Variants in CIDEB observed in about 807,000 individuals in gnomAD.
CIDEB encodes the protein cell death inducing DFFA like effector b.
CIDEB carries 27 observed loss-of-function variants against 22.4 expected under a neutral mutation model. The ratio of observed to expected loss-of-function variants is 1.21; its 90% CI spans 0.89 to 1.66. The LOEUF (loss-of-function observed/expected upper bound fraction) is 1.66, where lower values mean the gene tolerates loss of function less well. Among genes scored for constraint, CIDEB ranks in the 40% most tolerant of loss-of-function variants. CIDEB has a pLI of 0.00. For synonymous variants in CIDEB, 103 were observed against 109.5 expected, an observed-to-expected ratio of 0.94 and a Z score of 0.37; for missense variants, 289 against 268.7, an observed-to-expected ratio of 1.08 and a Z score of -0.53.
At chr14:24,311,183 G>T, upstream of CIDEB, 1 of 1,607,546 alleles carries the variant, frequency 6.2e-7, no homozygotes, top group Middle Eastern at 1.7e-4. Context: ...TGTGCCACCC[G>T]TCGCCGGTCC....
chr14:24,307,748 C>T, intron 1 of CIDEB, 70 bp downstream of exon 1: 1 of 1,482,704 alleles, frequency 6.7e-7, no homozygotes, highest in East Asian at 2.4e-5. Context: ...CTCCTAGGGG[C>T]TGAGTGGAGT....
chr14:24,308,031 C>G (rs1286596827), upstream of CIDEB: 4 of 647,430 alleles, frequency 6.2e-6, no homozygotes, highest in Admixed American at 9.8e-5. Context: ...GGGCAAAGTC[C>G]AAGGGGAGGG....
chr14:24,311,363 C>T (rs1311535947), upstream of CIDEB: 4 of 1,604,892 alleles, frequency 2.5e-6, no homozygotes, highest in East Asian at 2.2e-5. Context: ...TGCTTGCCTT[C>T]GGCTTGCTCT....
At chr14:24,310,797 T>TTGGCGGGC (rs1665537386), upstream of CIDEB, 6 of 1,604,262 alleles carry the variant, frequency 3.7e-6, no homozygotes, top group Non-Finnish European at 5.1e-6. Flanking sequence ...GGTGTGGAGC[T>TTGGCGGGC]TGGCGGGCTG....
chr14:24,305,962 G>A lies in CIDEB; in HGVS notation c.512C>T (p.Pro171Leu). The A allele has an allele frequency of 6.2e-7, 1 of 1,613,656 alleles. No individual in the cohort carries two copies. Among genetic ancestry groups the A allele is most frequent in the East Asian group, 2.2e-5 (1 of 44,882 alleles). ...GATTTCTGACCTGAGTACTTTCTTT[G>A]GGCCAAGTCCTTGAAAGTCACAACT... ...SMSCDFQGLG[P>L]KKVLRELLRW... The change falls in exon 4 of 5, where the codon CCA (proline) becomes CTA (leucine). Residue 171 changes from proline (P) to leucine (L), a missense_variant. Pro to Leu is a moderately conservative substitution (Grantham distance 98). Coordinates refer to ENST00000554411, the MANE Select transcript of CIDEB (RefSeq NM_001393339.1).
Position 24,307,968 on chromosome 14 carries a change from A to C in CIDEB, c.-110T>G. The C allele has an allele frequency of 9.8e-7, 1 of 1,025,226 alleles. No homozygotes were observed. The highest frequency in any genetic ancestry group is 1.5e-6 in the Non-Finnish European group (1 of 671,164). 63.5% of individuals were successfully genotyped at this position (1,025,226 alleles called of 1,614,324 possible). A position where few individuals can be genotyped will look rare whatever the true frequency, so the allele number is the denominator to read the frequency against. On this transcript the variant is annotated 5_prime_UTR_variant, in exon 1 of 5. Transcript: ENST00000554411. ...AAACCTGGGATCTCAGCCCAGGACA[A>C]GGTGGGAATGAGTCAAGCCTGGACT...
chr14:24,307,164 G>C (rs1007478174), intron 2 of CIDEB: 13 of 484,538 alleles, frequency 2.7e-5, no homozygotes, highest in Admixed American at 2.2e-4. Flanking sequence ...CCTATCTCCT[G>C]CTAACCCCTG....
chr14:24,310,737 G>A (rs1041057674), upstream of CIDEB: 1 of 1,612,060 alleles, frequency 6.2e-7, no homozygotes, highest in Admixed American at 1.7e-5. Flanking sequence ...CACAGGCACA[G>A]CCTTCCTGCT....
rs2041511263 is a variant in CIDEB, at chr14:24,306,474, T to C, written c.236A>G (p.Glu79Gly). The C allele has an allele frequency of 1.2e-6, 2 of 1,614,128 alleles. No individual in the cohort carries two copies. The highest frequency in any genetic ancestry group is 2.7e-5 in the African/African-American group (2 of 74,940). Residue 79 changes from glutamate (E) to glycine (G), a missense_variant, in exon 3 of 5, where the codon GAG becomes GGG. Glu to Gly is a moderately conservative substitution (Grantham distance 98). Transcript: ENST00000554411. ...LNGVLTLVLE[E>G]DGTAVDSEDF... ...CTCACTGTCCACTGCAGTTCCATCCTCCTCTAGCACCAGGGTTAGCACTCC... is the reference window on the plus strand; with the variant it reads ...CTCACTGTCCACTGCAGTTCCATCCCCCTCTAGCACCAGGGTTAGCACTCC...
upstream of CIDEB, chr14:24,308,596 C>A (rs1387124479): frequency 6.5e-6 from 1 of 153,176 alleles, no homozygotes; most frequent in Non-Finnish European, 1.5e-5. Flanking sequence ...TCTCCTTTTG[C>A]CGATTAGTGG....
In CIDEB at chr14:24,305,763, T is replaced by G; in HGVS notation, c.530A>C (p.Glu177Ala). The G allele has an allele frequency of 6.2e-7, 1 of 1,612,606 alleles. No individual in the cohort carries two copies. Among genetic ancestry groups the G allele is most frequent in the Non-Finnish European group, 8.5e-7 (1 of 1,179,542 alleles). Residue 177 changes from glutamate to alanine, a missense_variant and splice_region_variant, in exon 5 of 5, where the codon GAG (glutamate) becomes GCG (alanine). Physicochemically the swap from Glu to Ala is moderately radical, Grantham distance 107. Transcript: ENST00000554411. ...QGLGPKKVLR[E>A]LLRWTSTLLQ... ...CAGTGTGGAGGTCCAACGAAGGAGC[T>G]CCCTGAATGGCAGAGACAAGAGGAA...
upstream of CIDEB, chr14:24,308,061 G>T: frequency 3.3e-6 from 2 of 602,248 alleles, no homozygotes; most frequent in South Asian, 2.0e-5. Context: ...GGGCCAGATG[G>T]GGTCCTGGAG....
upstream of CIDEB, chr14:24,309,920 G>A (rs1439037077): frequency 1.3e-5 from 2 of 153,882 alleles, no homozygotes; most frequent in African/African-American, 2.4e-5. Context: ...GGCCAGAGCT[G>A]GGGGAGGGAT....
At chr14:24,311,126 C>T (rs2041686681), upstream of CIDEB, 3 of 1,583,390 alleles carry the variant, frequency 1.9e-6, no homozygotes, top group Non-Finnish European at 1.7e-6. Context: ...TGCTCGCCGT[C>T]CCGGCCGCCG....
At position 24,307,943 on chromosome 14, in the gene CIDEB, A is replaced by G. The variant is rs368838194; in HGVS notation, c.-85T>C. 8.0e-7 allele frequency: 1 copy of G among 1,256,392 alleles called. No homozygotes were observed. The highest frequency in any genetic ancestry group is 1.5e-5 in the African/African-American group (1 of 67,056). The allele number at this position is 1,256,392 out of a possible 1,614,324, so 77.8% of individuals were successfully genotyped here. ...GGGCTTTAGTGGTGTTTTCTGTTACAAACCTGGGATCTCAGCCCAGGACAA... is the reference window on the plus strand; with the variant it reads ...GGGCTTTAGTGGTGTTTTCTGTTACGAACCTGGGATCTCAGCCCAGGACAA... On this transcript the variant is annotated 5_prime_UTR_variant, in exon 1 of 5. Coordinates refer to ENST00000554411, the MANE Select transcript of CIDEB (RefSeq NM_001393339.1).
At chr14:24,310,411 G>A (rs1008663130), upstream of CIDEB, 2 of 644,400 alleles carry the variant, frequency 3.1e-6, no homozygotes, top group Non-Finnish European at 5.6e-6. Flanking sequence ...GTTTACCACT[G>A]AGCTCTGGGA....
chr14:24,305,470 A>C lies in CIDEB; in HGVS notation c.*163T>G. ...GGTAAGGGTATAGACTTGGGATGTG[A>C]GGCGTTATGCTGAAAGGTTCTGTCA... On this transcript the variant is annotated 3_prime_UTR_variant, in exon 5 of 5. Transcript: ENST00000554411. The C allele has an allele frequency of 1.3e-6, 1 of 799,372 alleles. No homozygotes were observed. The highest frequency in any genetic ancestry group is 1.9e-5 in the South Asian group (1 of 54,012). 49.5% of individuals were successfully genotyped at this position (799,372 alleles called of 1,614,324 possible).
At chr14:24,311,378 C>G, upstream of CIDEB, 2 of 1,603,394 alleles carry the variant, frequency 1.2e-6, no homozygotes, top group Non-Finnish European at 1.7e-6. Flanking sequence ...TGCTCTGGGC[C>G]CCCTACCACG....
chr14:24,306,305 G>T, intron 3 of CIDEB, 69 bp downstream of exon 3: 1 of 1,599,328 alleles, frequency 6.3e-7, no homozygotes, highest in Non-Finnish European at 8.6e-7. Context: ...TCAGGGTTAA[G>T]CTAGAGAGGA....
Sources: allele counts gnomAD v4.1 joint callset, GRCh38; gene constraint gnomAD v4.1.1; transcripts MANE v1.5; gene names NCBI Gene and HGNC (gene_info 2026-07-23, HGNC 2026-07-21).